Variants in DNAH14 observed in about 807,000 individuals in gnomAD.
The protein encoded by DNAH14 is dynein axonemal heavy chain 14, also known as axonemal beta dynein heavy chain 14.
DNAH14 carries 478 observed loss-of-function variants against 520.9 expected under a neutral mutation model. The observed-to-expected ratio is 0.92, with a 90% confidence interval of 0.85 to 0.99. DNAH14 has a LOEUF of 0.99. DNAH14 is among the 50% of genes least tolerant of loss of function. DNAH14 has a pLI of 0.00. For synonymous variants in DNAH14, 1,581 were observed against 1,757.2 expected (o/e 0.90, Z 2.51); for missense variants, 4,831 against 5,234.5 (o/e 0.92, Z 2.38).
At chr1:225,362,796 G>A (rs528792281) in intron 75 of DNAH14, among the ~76,000 whole-genome samples, 29 of 152,176 alleles carry the variant, frequency 1.9e-4, no homozygotes, top group Middle Eastern at 3.4e-3. Flanking sequence ...AGAGGAAAAT[G>A]TGAAGAAAAA....
At chr1:225,383,562 G>A (rs571132876) in intron 81 of DNAH14, among the ~76,000 whole-genome samples, 1 of 152,326 alleles carries the variant, frequency 6.6e-6, no homozygotes, top group Admixed American at 6.5e-5. Flanking sequence ...TTGACAGAGT[G>A]ACAAGAGGTG....
chr1:225,097,348 A>T, intron 22 of DNAH14, 109 bp downstream of exon 22: 1 of 1,054,470 alleles, frequency 9.5e-7, no homozygotes. Flanking sequence ...ATCTTATCCT[A>T]CCTACAGACA....
At chr1:225,129,093 A>G (rs764072998) in intron 27 of DNAH14, among the ~76,000 whole-genome samples, 5,300 of 152,174 alleles carry the variant, frequency 0.035, 126 homozygotes, top group Non-Finnish European at 0.049. Flanking sequence ...TAGAATACCT[A>G]GGAATCCAAC....
intron 17 of DNAH14, among the ~76,000 whole-genome samples, chr1:225,054,234 T>TG (rs2148337183): frequency 6.6e-6 from 1 of 152,302 alleles, no homozygotes; most frequent in South Asian, 2.1e-4. Context: ...AGCAGCTAAT[T>TG]ACATACCCAC....
At chr1:225,372,212 C>A (rs1400006966) in intron 77 of DNAH14, among the ~76,000 whole-genome samples, 1 of 151,984 alleles carries the variant, frequency 6.6e-6, no homozygotes, top group Non-Finnish European at 1.5e-5. Flanking sequence ...AATTAAAATC[C>A]TATTAGAGAA....
chr1:224,939,929 T>C (rs2059303018), intron 1 of DNAH14, among the ~76,000 whole-genome samples: 1 of 152,194 alleles, frequency 6.6e-6, no homozygotes, highest in Non-Finnish European at 1.5e-5. Context: ...ATGTTAAATG[T>C]TATTTCACTT....
Position 225,097,772 on chromosome 1 carries a change from TA to T in DNAH14, c.3695+545del, listed in dbSNP as rs143800535. Among the ~76,000 whole-genome samples, 673 of 142,442 alleles carry T rather than the reference TA, an allele frequency of 4.7e-3. 5 individuals carry two copies. The highest frequency in any genetic ancestry group is 0.015 in the African/African-American group (568 of 39,022). 93.4% of individuals were successfully genotyped at this position (142,442 alleles called of 152,430 possible). On this transcript the variant is annotated intron_variant, in intron 22 of 85. Coordinates refer to ENST00000682510, the MANE Select transcript of DNAH14 (RefSeq NM_001367479.1). ...CTGGGCGACAGAGCGAGACTCTGTA[TA>T]AAAAAAAAAAAGTGTCAGATACATC...
rs144251569 is a variant in DNAH14 at position 225,359,505 on chromosome 1, A to G, written c.11776+853A>G. On this transcript the variant is annotated intron_variant, in intron 74 of 85. Transcript: ENST00000682510. ...ATCCGAAGTAAAATATTTTCTCCCA[A>G]GCAAAATATTTTCTTCATTTATCTT... Among the ~76,000 whole-genome samples the G allele has an allele frequency of 2.6e-3, 389 of 152,272 alleles. 2 individuals carry two copies. Among genetic ancestry groups the G allele is most frequent in the Middle Eastern group, 0.02 (6 of 294 alleles).
intron 8 of DNAH14, among the ~76,000 whole-genome samples, chr1:224,976,534 A>T (rs1336851392): frequency 2.0e-5 from 3 of 152,228 alleles, no homozygotes; most frequent in Admixed American, 2.0e-4. Context: ...AGAAACTACC[A>T]TCAAAGTGAA....
intron 27 of DNAH14, among the ~76,000 whole-genome samples, chr1:225,131,010 C>T (rs1405506959): frequency 6.6e-6 from 1 of 151,898 alleles, no homozygotes; most frequent in Non-Finnish European, 1.5e-5. Context: ...CTTTGAAATG[C>T]ATAAGATGGG....
chr1:225,399,105 G>A lies in DNAH14; in HGVS notation c.13690G>A (p.Ala4564Thr), dbSNP rs115414058. ...ASNQTDSELY[A>T]FECPVYQTPE... ...CAACCAGACAGATTCAGAACTCTATGCTTTTGAATGCCCAGTTTACCAGAC... is the reference window on the plus strand; with the variant it reads ...CAACCAGACAGATTCAGAACTCTATACTTTTGAATGCCCAGTTTACCAGAC... Residue 4564 changes from alanine (A) to threonine (T), a missense_variant, in exon 86 of 86, where the codon GCT (alanine) becomes ACT (threonine). Coordinates refer to ENST00000682510, the MANE Select transcript of DNAH14 (RefSeq NM_001367479.1). 3.8e-3 allele frequency: 5,883 copies of A among 1,551,338 alleles called. 16 individuals are homozygous for A. Among genetic ancestry groups the A allele is most frequent in the Non-Finnish European group, 4.7e-3 (5,407 of 1,146,994 alleles).
chr1:225,001,898 C>T (rs2063800593), intron 8 of DNAH14, among the ~76,000 whole-genome samples: 1 of 151,704 alleles, frequency 6.6e-6, no homozygotes, highest in South Asian at 2.1e-4. Flanking sequence ...TTATGTGAGG[C>T]TTATATAATT....
chr1:225,379,693 T>C (rs2095755350), intron 79 of DNAH14, among the ~76,000 whole-genome samples: 1 of 152,020 alleles, frequency 6.6e-6, no homozygotes, highest in African/African-American at 2.4e-5. Flanking sequence ...CCTGGCTAAC[T>C]TTTGTATTTT....
chr1:225,057,843 G>T (rs947543248), intron 17 of DNAH14, among the ~76,000 whole-genome samples: 1 of 152,128 alleles, frequency 6.6e-6, no homozygotes, highest in Non-Finnish European at 1.5e-5. Flanking sequence ...ATTGATTTTC[G>T]TATGTTGAAA....
At chr1:225,358,801 C>G (rs912645804) in intron 74 of DNAH14, 149 bp downstream of exon 74, 2 of 772,826 alleles carry the variant, frequency 2.6e-6, no homozygotes, top group Non-Finnish European at 3.9e-6. Context: ...TGGTTCCCCC[C>G]ATGCTGTTCT....
At position 225,170,504 on chromosome 1, in the gene DNAH14, G is replaced by T. The variant is rs1573680476; in HGVS notation, c.5535+2476G>T. ...ATAAAACAGACTTTAAACCAACAAA[G>T]ATCAAAAGAGACAAAGAAGGCCATT... On this transcript the variant is annotated intron_variant, in intron 36 of 85. Coordinates refer to ENST00000682510, the MANE Select transcript of DNAH14 (RefSeq NM_001367479.1). Among the ~76,000 whole-genome samples the T allele has an allele frequency of 2.0e-5, 3 of 152,202 alleles. No homozygotes were observed. In the East Asian group the frequency reaches 5.8e-4, roughly 29 times the overall value.
intron 36 of DNAH14, among the ~76,000 whole-genome samples, chr1:225,181,667 G>A (rs759534448): frequency 6.6e-6 from 1 of 152,022 alleles, no homozygotes; most frequent in Non-Finnish European, 1.5e-5. Context: ...CTTTTTAATG[G>A]AGTTGTTTAT....
At chr1:224,944,392 C>G (rs1414919902) in intron 1 of DNAH14, among the ~76,000 whole-genome samples, 2 of 152,078 alleles carry the variant, frequency 1.3e-5, no homozygotes, top group African/African-American at 4.8e-5. Context: ...TGTCTCTGCA[C>G]GTGAGATGGG....
chr1:225,361,571 TGA>T (rs779850473), intron 75 of DNAH14, among the ~76,000 whole-genome samples: 3 of 152,276 alleles, frequency 2.0e-5, no homozygotes, highest in Non-Finnish European at 4.4e-5. Context: ...ATTGTTTAAA[TGA>T]GAGTCTGTCT....
Sources: allele counts gnomAD v4.1 joint callset (sites outside exome capture counted in the v4.1 genomes callset), GRCh38; gene constraint gnomAD v4.1.1; transcripts MANE v1.5; gene names NCBI Gene and HGNC (gene_info 2026-07-23, HGNC 2026-07-21).